Variants in PRDM16 observed in about 807,000 individuals in gnomAD.
PRDM16 encodes histone-lysine N-methyltransferase PRDM16.
A neutral mutation model predicts 110.6 loss-of-function variants in PRDM16; 23 were observed. The observed-to-expected ratio is 0.21, with a 90% confidence interval of 0.15 to 0.29. PRDM16 has a LOEUF of 0.29. PRDM16 is among the 10% of genes least tolerant of loss of function. The pLI, the probability that PRDM16 is intolerant of heterozygous loss-of-function variation, is 1.00. For missense variants in PRDM16, 1,615 were observed against 1,794.3 expected, an observed-to-expected ratio of 0.90 and a Z score of 1.81; for synonymous variants, 799 against 781.8, an observed-to-expected ratio of 1.02 and a Z score of -0.37.
chr1:3,317,870 T>C (rs910341738), intron 3 of PRDM16, among the ~76,000 whole-genome samples: 89 of 152,354 alleles, frequency 5.8e-4, no homozygotes, highest in African/African-American at 2.1e-3. Flanking sequence ...TCCAAAAAGA[T>C]ACATTTTCCT....
At chr1:3,345,149 G>A (rs1642337201) in intron 3 of PRDM16, among the ~76,000 whole-genome samples, 2 of 152,240 alleles carry the variant, frequency 1.3e-5, no homozygotes, top group African/African-American at 4.8e-5. Context: ...CAAGTAGGCT[G>A]CACAGTGGCC....
chr1:3,105,054 G>C (rs1557448889), intron 1 of PRDM16, among the ~76,000 whole-genome samples: 1 of 152,068 alleles, frequency 6.6e-6, no homozygotes, highest in South Asian at 2.1e-4. Flanking sequence ...GGAGCGGGGG[G>C]TGGGGGCGGG....
In PRDM16 at chr1:3,436,807, G is replaced by A; in HGVS notation, c.*2996G>A. ...CGACGGGGCAGCTGGCTGTGTCCAT[G>A]GCCAGGTGGCCAGGGTCAGGGCTGC... On this transcript the variant is annotated 3_prime_UTR_variant, in exon 17 of 17. Transcript: ENST00000270722. 1 of 233,314 alleles carries A rather than the reference G, an allele frequency of 4.3e-6. No homozygotes were observed. Among genetic ancestry groups the A allele is most frequent in the African/African-American group, 2.2e-5 (1 of 45,462 alleles). 14.5% of individuals were successfully genotyped at this position (233,314 alleles called of 1,614,324 possible).
rs149604529 is a variant in PRDM16 at position 3,189,107 on chromosome 1, G to A, written c.387+2633G>A. Among the ~76,000 whole-genome samples, 388 of 152,314 alleles carry A rather than the reference G, an allele frequency of 2.5e-3. 2 individuals carry two copies. The highest frequency in any genetic ancestry group is 3.8e-3 in the Non-Finnish European group (259 of 68,034). On this transcript the variant is annotated intron_variant, in intron 2 of 16. Coordinates refer to ENST00000270722, the MANE Select transcript of PRDM16 (RefSeq NM_022114.4). ...TCTCTGAGGACTTCTTCCTCTTGCCGACTGCCTGGCCTGTCTTCCAAGTGC... is the reference window on the plus strand; with the variant it reads ...TCTCTGAGGACTTCTTCCTCTTGCCAACTGCCTGGCCTGTCTTCCAAGTGC...
chr1:3,435,395 A>G lies in PRDM16; in HGVS notation c.*1584A>G, dbSNP rs1638877813. The G allele has an allele frequency of 4.3e-6, 1 of 230,910 alleles. No homozygotes were observed. The highest frequency in any genetic ancestry group is 8.6e-6 in the Non-Finnish European group (1 of 116,670). 14.3% of individuals were successfully genotyped at this position (230,910 alleles called of 1,614,324 possible). A position where few individuals can be genotyped will look rare whatever the true frequency, so the allele number is the denominator to read the frequency against. ...TCGTGTGGGAGTGGGGCGATTTTTT[A>G]TGTGCCAAATACCCCCGTCCCCCCC... On this transcript the variant is annotated 3_prime_UTR_variant, in exon 17 of 17. Coordinates refer to ENST00000270722, the MANE Select transcript of PRDM16 (RefSeq NM_022114.4).
intron 3 of PRDM16, among the ~76,000 whole-genome samples, chr1:3,376,571 C>G (rs989870423): frequency 9.8e-5 from 15 of 152,334 alleles, no homozygotes; most frequent in African/African-American, 3.6e-4. Context: ...CAGCCCCCTC[C>G]AGCTTCTTCC....
intron 3 of PRDM16, among the ~76,000 whole-genome samples, chr1:3,337,149 G>A (rs1450593969): frequency 6.6e-6 from 1 of 151,242 alleles, no homozygotes; most frequent in Non-Finnish European, 1.5e-5. Flanking sequence ...ATATGTGTTG[G>A]TGTGAATCTG....
In PRDM16 at chr1:3,181,428, TCTTACACAAGCAGTCTTACAC is replaced by T. The variant is rs1644178992; in HGVS notation, c.38-4696_38-4676del. On this transcript the variant is annotated intron_variant, in intron 1 of 16. Coordinates refer to ENST00000270722, the MANE Select transcript of PRDM16 (RefSeq NM_022114.4). ...TACACACGCAGTCTTACACACGCGG[TCTTACACAAGCAGTCTTACAC>T]GGTCTTACACACGGTCTTACACACG... is the stretch of plus-strand genomic sequence containing the variant. Among the ~76,000 whole-genome samples, 8 of 73,586 alleles carry T rather than the reference TCTTACACAAGCAGTCTTACAC, an allele frequency of 1.1e-4. 4 individuals carry two copies. Among genetic ancestry groups the T allele is most frequent in the Non-Finnish European group, 2.1e-4 (8 of 37,568 alleles). The allele number at this position is 73,586 out of a possible 152,430, so 48.3% of individuals were successfully genotyped here. A position where few individuals can be genotyped will look rare whatever the true frequency, so the allele number is the denominator to read the frequency against.
At chr1:3,241,455 A>C (rs200072244) in intron 2 of PRDM16, among the ~76,000 whole-genome samples, 1 of 152,138 alleles carries the variant, frequency 6.6e-6, no homozygotes, top group Non-Finnish European at 1.5e-5. Flanking sequence ...AGCTGCCCCC[A>C]CCACCACCCC....
chr1:3,376,601 C>T (rs1198456389), intron 3 of PRDM16, among the ~76,000 whole-genome samples: 1 of 152,214 alleles, frequency 6.6e-6, no homozygotes, highest in Admixed American at 6.5e-5. Flanking sequence ...CCCCAGACAG[C>T]CCACCCTTGC....
At chr1:3,142,335 G>A (rs1054242607) in intron 1 of PRDM16, among the ~76,000 whole-genome samples, 6 of 152,260 alleles carry the variant, frequency 3.9e-5, no homozygotes, top group Non-Finnish European at 7.3e-5. Context: ...AGCTGAACAC[G>A]GGGAGCCCTG....
intron 3 of PRDM16, among the ~76,000 whole-genome samples, chr1:3,347,333 C>A (rs537314429): frequency 6.6e-6 from 1 of 152,370 alleles, no homozygotes; most frequent in African/African-American, 2.4e-5. Context: ...GCGAGACTCT[C>A]AGGGCCTCCA....
At chr1:3,215,977 G>A (rs930871257) in intron 2 of PRDM16, among the ~76,000 whole-genome samples, 3 of 152,180 alleles carry the variant, frequency 2.0e-5, no homozygotes, top group African/African-American at 7.2e-5. Flanking sequence ...GAAAAAAGAG[G>A]AGGCATTTTT....
chr1:3,222,855 C>T (rs1557539611), intron 2 of PRDM16, among the ~76,000 whole-genome samples: 2 of 152,194 alleles, frequency 1.3e-5, no homozygotes, highest in Admixed American at 1.3e-4. Flanking sequence ...GATGTGAGGG[C>T]ACTTTGCATC....
At chr1:3,420,712 G>A (rs560102042) in intron 12 of PRDM16, among the ~76,000 whole-genome samples, 32 of 151,790 alleles carry the variant, frequency 2.1e-4, no homozygotes, top group East Asian at 5.9e-4. Flanking sequence ...TGAGTGAAGC[G>A]GGAAGGTGAG....
At chr1:3,377,516 A>G (rs1643013431) in intron 3 of PRDM16, among the ~76,000 whole-genome samples, 1 of 152,190 alleles carries the variant, frequency 6.6e-6, no homozygotes, top group Non-Finnish European at 1.5e-5. Context: ...TCACTTGGTA[A>G]CTCAGCATTT....
intron 5 of PRDM16, among the ~76,000 whole-genome samples, chr1:3,398,611 G>A (rs1037837571): frequency 1.3e-5 from 2 of 152,200 alleles, no homozygotes; most frequent in African/African-American, 4.8e-5. Flanking sequence ...CCACTTAATT[G>A]TGAACCCCTC....
intron 3 of PRDM16, among the ~76,000 whole-genome samples, chr1:3,347,733 A>G (rs2500257): frequency 0.73 from 111,847 of 152,184 alleles, 41,521 homozygotes; most frequent in East Asian, 0.84. Context: ...CACCATGCCT[A>G]GGCCTTGGTG....
intron 1 of PRDM16, among the ~76,000 whole-genome samples, chr1:3,116,245 C>T (rs1269417720): frequency 6.6e-6 from 1 of 152,158 alleles, no homozygotes; most frequent in Admixed American, 6.5e-5. Context: ...CGTGTCTCTG[C>T]AGTGTGTCCC....
Sources: gnomAD v4.1 joint callset for allele counts (sites outside exome capture counted in the v4.1 genomes callset) on GRCh38, gnomAD v4.1.1 for gene constraint, MANE v1.5 for transcripts, NCBI Gene and HGNC (gene_info 2026-07-23, HGNC 2026-07-21) for gene names.